The following CLYBL variants were observed in gnomAD, a reference collection of about 807,000 sequenced individuals.
The protein encoded by CLYBL is citramalyl-CoA lyase, mitochondrial.
A neutral mutation model predicts 38.9 loss-of-function variants in CLYBL; 31 were observed. That is an observed-to-expected ratio of 0.80 (90% CI 0.60 to 1.08). The LOEUF is 1.08. CLYBL is among the 50% of genes least tolerant of loss of function. CLYBL has a pLI of 0.00. For missense variants in CLYBL, 434 were observed against 411.6 expected (o/e 1.05, Z -0.47); for synonymous variants, 171 against 158.6 (o/e 1.08, Z -0.59).
At chr13:99,759,310 GA>G (rs1392125797) in intron 1 of CLYBL, among the ~76,000 whole-genome samples, 2 of 152,228 alleles carry the variant, frequency 1.3e-5, no homozygotes, top group Admixed American at 1.3e-4. Flanking sequence ...GAAAGCAGGG[GA>G]TAAACAGAGG....
intron 1 of CLYBL, among the ~76,000 whole-genome samples, chr13:99,697,164 T>C (rs1005651687): frequency 1.3e-5 from 2 of 152,166 alleles, no homozygotes; most frequent in African/African-American, 4.8e-5. Context: ...AGCCCCTGAA[T>C]TGTAGCACTC....
intron 1 of CLYBL, among the ~76,000 whole-genome samples, chr13:99,753,291 G>T (rs1176865552): frequency 6.6e-6 from 1 of 152,078 alleles, no homozygotes; most frequent in African/African-American, 2.4e-5. Flanking sequence ...CCATGGAAGG[G>T]GCTCAAGCAG....
chr13:99,731,254 T>C (rs2048585128), intron 1 of CLYBL, among the ~76,000 whole-genome samples: 1 of 151,902 alleles, frequency 6.6e-6, no homozygotes, highest in Admixed American at 6.6e-5. Flanking sequence ...AAGCCTTCTT[T>C]AAAAGTTGAA....
chr13:99,702,497 T>C (rs1255170146), intron 1 of CLYBL, among the ~76,000 whole-genome samples: 1 of 151,982 alleles, frequency 6.6e-6, no homozygotes, highest in Non-Finnish European at 1.5e-5. Flanking sequence ...CCGGGCGTGG[T>C]GTCGCATGCC....
At chr13:99,846,324 C>T (rs1463045395) in intron 2 of CLYBL, among the ~76,000 whole-genome samples, 1 of 117,844 alleles carries the variant, frequency 8.5e-6, no homozygotes, top group East Asian at 2.7e-4. Flanking sequence ...CGGGGTCTTA[C>T]TCTGTCACCC....
chr13:99,732,543 G>C (rs1396547202), intron 1 of CLYBL, among the ~76,000 whole-genome samples: 1 of 151,990 alleles, frequency 6.6e-6, no homozygotes, highest in Non-Finnish European at 1.5e-5. Context: ...TGTATCTTAA[G>C]CTGTGTGGAT....
At chr13:99,709,912 TTTC>T (rs1451791007) in intron 1 of CLYBL, among the ~76,000 whole-genome samples, 3 of 134,566 alleles carry the variant, frequency 2.2e-5, no homozygotes, top group South Asian at 2.3e-4. Flanking sequence ...CTTTTTTTTT[TTTC>T]TTTCTTTCTT....
chr13:99,805,956 G>A (rs2050223875), intron 2 of CLYBL, among the ~76,000 whole-genome samples: 1 of 152,118 alleles, frequency 6.6e-6, no homozygotes. Context: ...TGTATAGTAT[G>A]CATCTAATGA....
At chr13:99,736,044 T>TTC (rs1007065325) in intron 1 of CLYBL, among the ~76,000 whole-genome samples, 1 of 135,172 alleles carries the variant, frequency 7.4e-6, no homozygotes, top group African/African-American at 2.8e-5. Flanking sequence ...TTTTCTTTTT[T>TTC]TTTTTTTTTT....
At chr13:99,789,763 C>G (rs892627048) in intron 2 of CLYBL, among the ~76,000 whole-genome samples, 6 of 152,152 alleles carry the variant, frequency 3.9e-5, no homozygotes, top group African/African-American at 7.2e-5. Context: ...TGTTAACTTT[C>G]TGTCTCGTTG....
chr13:99,637,399 A>G (rs1370009093), intron 1 of CLYBL, among the ~76,000 whole-genome samples: 4 of 152,218 alleles, frequency 2.6e-5, no homozygotes, highest in Admixed American at 1.3e-4. Context: ...TCTTTCCAGC[A>G]TATTGCATAT....
At chr13:99,892,122 A>C (rs2052504466) in intron 8 of CLYBL, 1 of 152,258 alleles carries the variant, frequency 6.6e-6, no homozygotes, top group Non-Finnish European at 1.5e-5. Flanking sequence ...GCAGAAACAC[A>C]AGACCATCCA....
intron 1 of CLYBL, among the ~76,000 whole-genome samples, chr13:99,741,371 C>T (rs2048751933): frequency 6.6e-6 from 1 of 152,192 alleles, no homozygotes; most frequent in Admixed American, 6.5e-5. Context: ...GTCACCTTAC[C>T]AGGCCACTAG....
At chr13:99,741,675 CCA>C (rs1449119719) in intron 1 of CLYBL, among the ~76,000 whole-genome samples, 1 of 152,142 alleles carries the variant, frequency 6.6e-6, no homozygotes, top group Admixed American at 6.5e-5. Context: ...CGGGGTTTTG[CCA>C]TGTTGCCCAG....
At chr13:99,612,230 T>C (rs991389212) in intron 1 of CLYBL, among the ~76,000 whole-genome samples, 8 of 152,274 alleles carry the variant, frequency 5.3e-5, no homozygotes, top group African/African-American at 1.9e-4. Context: ...TAAAGAACCA[T>C]CTTTTTGTTT....
intron 1 of CLYBL, among the ~76,000 whole-genome samples, chr13:99,706,685 G>A (rs2048151823): frequency 1.3e-5 from 2 of 152,222 alleles, no homozygotes; most frequent in African/African-American, 4.8e-5. Flanking sequence ...TCCCTAACTT[G>A]ATTACCTATT....
chr13:99,832,862 G>C (rs1394200649), intron 2 of CLYBL, among the ~76,000 whole-genome samples: 11 of 148,220 alleles, frequency 7.4e-5, no homozygotes, highest in Middle Eastern at 3.5e-3. Context: ...AGAAAAGGAG[G>C]GGAGAGAAGG....
intron 2 of CLYBL, among the ~76,000 whole-genome samples, chr13:99,839,690 T>A (rs1172096703): frequency 6.6e-6 from 1 of 151,984 alleles, no homozygotes; most frequent in Non-Finnish European, 1.5e-5. Context: ...TTTTAAAAAT[T>A]TTTTGTGGGT....
chr13:99,743,445 A>C lies in CLYBL; in HGVS notation c.63-29379A>C, dbSNP rs558115037. ...CAGAGGTAAATTGAAATGTACATGC[A>C]GACAAGAACCGCTCTTGACTGCAAT... On this transcript the variant is annotated intron_variant, in intron 1 of 8. Transcript: ENST00000339105. Among the ~76,000 whole-genome samples the C allele has an allele frequency of 1.1e-3, 169 of 152,358 alleles. 1 individual carries two copies. The highest frequency in any genetic ancestry group is 4.0e-3 in the African/African-American group (165 of 41,580).
Sources: gnomAD v4.1 joint callset for allele counts (sites outside exome capture counted in the v4.1 genomes callset) on GRCh38, gnomAD v4.1.1 for gene constraint, MANE v1.5 for transcripts, NCBI Gene and HGNC (gene_info 2026-07-23, HGNC 2026-07-21) for gene names.